AHNAK: variants seen among roughly 807,000 people sequenced by gnomAD.
AHNAK encodes neuroblast differentiation-associated protein AHNAK.
AHNAK carries 23 observed loss-of-function variants against 37.8 expected under a neutral mutation model. The observed-to-expected ratio is 0.61, with a 90% CI of 0.44 to 0.86. AHNAK has a LOEUF of 0.86. AHNAK is among the 40% of genes least tolerant of loss of function. The pLI, the probability that AHNAK is intolerant of heterozygous loss-of-function variation, is 0.00. For missense variants in AHNAK, 7,411 were observed against 7,319.4 expected (o/e 1.01, Z -0.46); for synonymous variants, 2,481 against 2,636.3 (o/e 0.94, Z 1.80).
chr11:62,449,095 C>G (rs1565197396), intron 5 of AHNAK, among the ~76,000 whole-genome samples: 1 of 152,044 alleles, frequency 6.6e-6, no homozygotes. Flanking sequence ...TAATAAAGTT[C>G]TGGGAATGGG....
chr11:62,477,709 G>A (rs1398806351), intron 5 of AHNAK, among the ~76,000 whole-genome samples: 3 of 152,094 alleles, frequency 2.0e-5, no homozygotes, highest in African/African-American at 7.2e-5. Flanking sequence ...GGCTGAGGCA[G>A]GAGAATCACT....
intron 5 of AHNAK, among the ~76,000 whole-genome samples, chr11:62,452,418 A>G (rs1938560184): frequency 6.6e-6 from 1 of 152,154 alleles, no homozygotes; most frequent in South Asian, 2.1e-4. Flanking sequence ...GAGAGGGTCT[A>G]TGCTGTGATT....
At chr11:62,439,112 G>C (rs1367342524) in intron 5 of AHNAK, among the ~76,000 whole-genome samples, 1 of 23,562 alleles carries the variant, frequency 4.2e-5, no homozygotes, top group Non-Finnish European at 1.1e-4. Context: ...TTTTTTTTTT[G>C]AGATGGAGTC....
intron 5 of AHNAK, among the ~76,000 whole-genome samples, chr11:62,448,934 G>T (rs1938475743): frequency 1.3e-5 from 2 of 152,110 alleles, no homozygotes; most frequent in South Asian, 4.2e-4. Context: ...CAGGCGTGGT[G>T]GTGGGCACAT....
At chr11:62,539,829 C>G (rs1027619541) in intron 1 of AHNAK, among the ~76,000 whole-genome samples, 13 of 152,246 alleles carry the variant, frequency 8.5e-5, no homozygotes, top group Non-Finnish European at 1.6e-4. Context: ...GGCTGTGGCC[C>G]TGCTGTCCTG....
intron 5 of AHNAK, among the ~76,000 whole-genome samples, chr11:62,460,051 G>A (rs1446709551): frequency 2.6e-5 from 4 of 151,976 alleles, no homozygotes; most frequent in Non-Finnish European, 5.9e-5. Flanking sequence ...CCAGGAGGCG[G>A]AGGTAGTGGT....
chr11:62,509,421 G>A (rs565736160), intron 4 of AHNAK, among the ~76,000 whole-genome samples: 1 of 152,082 alleles, frequency 6.6e-6, no homozygotes, highest in African/African-American at 2.4e-5. Flanking sequence ...GTGGTGGCAG[G>A]TGCCTGTAAT....
intron 4 of AHNAK, among the ~76,000 whole-genome samples, chr11:62,493,239 C>T (rs1355905939): frequency 2.6e-5 from 4 of 151,606 alleles, no homozygotes; most frequent in African/African-American, 9.7e-5. Flanking sequence ...GTCTCGAACT[C>T]CTGACCTCAG....
exon 6 of AHNAK, chr11:62,433,551 G>C (rs187751543): frequency 1.9e-5 from 7 of 365,684 alleles, no homozygotes; most frequent in Admixed American, 4.2e-5. Flanking sequence ...ACAGATGCTT[G>C]ATAAATGTTT....
rs1940221824 is a variant in AHNAK, at chr11:62,521,108, C to T, written c.13309G>A (p.Gly4437Ser). 1.9e-6 allele frequency: 3 copies of T among 1,613,904 alleles called. No individual in the cohort carries two copies. The highest frequency in any genetic ancestry group is 3.3e-5 in the Admixed American group (2 of 59,980). ...GGCCCCTTCAATTTTCCTTCCGGAC[C>T]TTCAATATTGACATCAGGTGTGTCA... Reference protein sequence around the residue: ...DIDTPDVNIEGPEGKLKGPKF... With the variant: ...DIDTPDVNIESPEGKLKGPKF... Residue 4437 changes from glycine (G) to serine (S), a missense_variant, in exon 5 of 5, where the codon GGT becomes AGT. By Grantham distance (56) the Gly-to-Ser change is moderately conservative (BLOSUM62 0). Transcript: ENST00000378024.
At chr11:62,538,224 C>A (rs1243554964) in intron 1 of AHNAK, among the ~76,000 whole-genome samples, 1 of 152,186 alleles carries the variant, frequency 6.6e-6, no homozygotes, top group Non-Finnish European at 1.5e-5. Context: ...CCACCAGGCA[C>A]CGCCCAAGCC....
rs963618127 is a variant in AHNAK at position 62,518,636 on chromosome 11, A to T, written c.15781T>A (p.Ser5261Thr). ...GGTCCTCTCAAGTCTCCTTCAAGAG[A>T]GGGTAGCTGGGCATGGACCTCGGCT... Reference protein sequence around the residue: ...GGAEVHAQLPSLEGDLRGPDV... With the variant: ...GGAEVHAQLPTLEGDLRGPDV... Residue 5261 changes from serine (S) to threonine (T), a missense_variant, in exon 5 of 5, where the codon TCT becomes ACT. Coordinates refer to ENST00000378024, the MANE Select transcript of AHNAK (RefSeq NM_001620.3). 1 of 1,614,118 alleles carries T rather than the reference A, an allele frequency of 6.2e-7. No homozygotes were observed. The highest frequency in any genetic ancestry group is 1.3e-5 in the African/African-American group (1 of 75,020).
At chr11:62,498,637 G>A (rs1425861160) in intron 4 of AHNAK, among the ~76,000 whole-genome samples, 1 of 151,166 alleles carries the variant, frequency 6.6e-6, no homozygotes, top group East Asian at 1.9e-4. Context: ...TATTAGCTGG[G>A]CATGGAAGCT....
chr11:62,489,721 G>A (rs558177537), intron 5 of AHNAK, among the ~76,000 whole-genome samples: 1 of 152,106 alleles, frequency 6.6e-6, no homozygotes, highest in East Asian at 1.9e-4. Context: ...CGGAAGAGAA[G>A]CAGGCCTGAG....
intron 5 of AHNAK, among the ~76,000 whole-genome samples, chr11:62,468,682 G>T (rs917853496): frequency 2.6e-5 from 4 of 152,306 alleles, no homozygotes; most frequent in South Asian, 4.1e-4. Flanking sequence ...CTCTGCTTTA[G>T]CCTTTACAAG....
At chr11:62,544,476 G>GA (rs1941242176) in intron 1 of AHNAK, among the ~76,000 whole-genome samples, 1 of 152,110 alleles carries the variant, frequency 6.6e-6, no homozygotes, top group Non-Finnish European at 1.5e-5. Context: ...AGGCTTTAGA[G>GA]AGGGGCTCAG....
At chr11:62,538,004 C>T (rs1941007034) in intron 1 of AHNAK, among the ~76,000 whole-genome samples, 1 of 151,970 alleles carries the variant, frequency 6.6e-6, no homozygotes, top group Non-Finnish European at 1.5e-5. Flanking sequence ...AGTCTTTTGC[C>T]TACTCCACCC....
intron 5 of AHNAK, among the ~76,000 whole-genome samples, chr11:62,485,982 C>T (rs1298933640): frequency 6.9e-6 from 1 of 145,302 alleles, no homozygotes; most frequent in Non-Finnish European, 1.5e-5. Context: ...GATTGCACCA[C>T]TGCACTCCAG....
In AHNAK at chr11:62,529,342, G is replaced by A; in HGVS notation, c.5075C>T (p.Pro1692Leu). 1 of 1,613,976 alleles carries A rather than the reference G, an allele frequency of 6.2e-7. No homozygotes were observed. The highest frequency in any genetic ancestry group is 8.5e-7 in the Non-Finnish European group (1 of 1,179,998). The change falls in exon 5 of 5, where the codon CCC becomes CTC. Residue 1692 changes from proline to leucine, a missense_variant. Physicochemically the swap from Pro to Leu is moderately conservative, Grantham distance 98. Coordinates refer to ENST00000378024, the MANE Select transcript of AHNAK (RefSeq NM_001620.3). ...MKVPDVDIKG[P>L]KVDIDAPDVE... ...ATCTGGGGCATCAATGTCCACTTTG[G>A]GCCCTTTAATGTCAACATCTGGCAC...
Sources: gnomAD v4.1 joint callset for allele counts (sites outside exome capture counted in the v4.1 genomes callset) on GRCh38, gnomAD v4.1.1 for gene constraint, MANE v1.5 for transcripts, NCBI Gene and HGNC (gene_info 2026-07-23, HGNC 2026-07-21) for gene names.